Variants in ZNF695 observed in about 807,000 individuals in gnomAD.
ZNF695 encodes the protein zinc finger protein SBZF3.
A neutral mutation model predicts 11.2 loss-of-function variants in ZNF695; 11 were observed. The ratio of observed to expected loss-of-function variants is 0.98; its 90% confidence interval spans 0.62 to 1.62. ZNF695 has a LOEUF of 1.62. Among genes scored for constraint, ZNF695 ranks in the 40% most tolerant of loss-of-function variants. The pLI, the probability that ZNF695 is intolerant of heterozygous loss-of-function variation, is 0.00. For missense variants in ZNF695, 559 were observed against 590.5 expected (o/e 0.95, Z 0.55); for synonymous variants, 190 against 201.4 (o/e 0.94, Z 0.48).
intron 5 of ZNF695, among the ~76,000 whole-genome samples, chr1:246,953,559 C>G (rs552691422): frequency 6.7e-6 from 1 of 148,274 alleles, no homozygotes; most frequent in Admixed American, 6.8e-5. Flanking sequence ...TGCAGTGAGC[C>G]AAGATCGCAC....
rs1668826436 is a variant in ZNF695 at position 246,985,601 on chromosome 1, T to C, written c.*1366A>G. 1 of 932,038 alleles carries C rather than the reference T, an allele frequency of 1.1e-6. No homozygotes were observed. Among genetic ancestry groups the C allele is most frequent in the Non-Finnish European group, 1.2e-6 (1 of 802,186 alleles). The allele number at this position is 932,038 out of a possible 1,614,324, so 57.7% of individuals were successfully genotyped here. A position where few individuals can be genotyped will look rare whatever the true frequency, so the allele number is the denominator to read the frequency against. ...CTTAATGTACAACGGTCCAAAGACATTAAAACAATGTCTTATTAAAACAAA... is the reference window on the plus strand; with the variant it reads ...CTTAATGTACAACGGTCCAAAGACACTAAAACAATGTCTTATTAAAACAAA... On this transcript the variant is annotated 3_prime_UTR_variant, in exon 4 of 4. Transcript: ENST00000339986.
At chr1:246,965,802 G>T (rs895543461) in intron 5 of ZNF695, among the ~76,000 whole-genome samples, 1 of 152,060 alleles carries the variant, frequency 6.6e-6, no homozygotes, top group Admixed American at 6.6e-5. Flanking sequence ...ACAGCAAGAA[G>T]GCCCTCACCA....
At chr1:246,956,472 C>T (rs1456588301) in intron 5 of ZNF695, among the ~76,000 whole-genome samples, 4 of 151,442 alleles carry the variant, frequency 2.6e-5, no homozygotes, top group African/African-American at 7.2e-5. Context: ...AAAAATTAGC[C>T]GGGCCTGGTG....
chr1:246,989,580 C>A (rs1263004727), intron 3 of ZNF695, among the ~76,000 whole-genome samples: 1 of 151,942 alleles, frequency 6.6e-6, no homozygotes, highest in Non-Finnish European at 1.5e-5. Context: ...ACTAAACAAC[C>A]AGTAAACAAG....
In ZNF695 at chr1:246,974,903, T is replaced by A. The variant is rs1268781676; in HGVS notation, c.391-7111A>T. Among the ~76,000 whole-genome samples the A allele has an allele frequency of 2.0e-5, 3 of 152,284 alleles. No individual in the cohort carries two copies. The East Asian group carries it at 5.8e-4, about 29-fold the overall frequency. On this transcript the variant is annotated intron_variant, in intron 4 of 5. Coordinates refer to the ZNF695 transcript ENST00000487338. ...AACATGGCCAGCTTTCCCTTGCTTTTGGTTCCTTTCAACCTTGTCACTTCC... is the reference window on the plus strand; with the variant it reads ...AACATGGCCAGCTTTCCCTTGCTTTAGGTTCCTTTCAACCTTGTCACTTCC...
Position 247,008,015 on chromosome 1 carries a change from G to T in ZNF695, c.-107C>A. 7.8e-7 allele frequency: 1 copy of T among 1,287,180 alleles called. No individual in the cohort carries two copies. The allele number at this position is 1,287,180 out of a possible 1,614,324, so 79.7% of individuals were successfully genotyped here. A position where few individuals can be genotyped will look rare whatever the true frequency, so the allele number is the denominator to read the frequency against. The stretch of plus-strand genomic sequence containing the variant: ...GTCACCCGGGACTCTCCGAGAGGCA[G>T]CAGACGGGAACCCAGCACCCCGCCG... On this transcript the variant is annotated 5_prime_UTR_variant, in exon 1 of 4. The change creates a new upstream start codon in the 5' untranslated region. Coordinates refer to ENST00000339986, the MANE Select transcript of ZNF695 (RefSeq NM_020394.5).
intron 1 of ZNF695, among the ~76,000 whole-genome samples, chr1:247,001,078 GC>G (rs1009577585): frequency 6.6e-6 from 1 of 152,070 alleles, no homozygotes; most frequent in African/African-American, 2.4e-5. Context: ...CAGGCTAAAT[GC>G]CCCACTTAAA....
At chr1:247,005,449 TG>T (rs1205706945) in intron 1 of ZNF695, among the ~76,000 whole-genome samples, 2 of 152,126 alleles carry the variant, frequency 1.3e-5, no homozygotes, top group African/African-American at 2.4e-5. Context: ...CTCAGCACTG[TG>T]GGAGGCCAAA....
At position 246,986,762 on chromosome 1, in the gene ZNF695, G is replaced by T; in HGVS notation, c.*205C>A. On this transcript the variant is annotated 3_prime_UTR_variant, in exon 4 of 4. Coordinates refer to ENST00000339986, the MANE Select transcript of ZNF695 (RefSeq NM_020394.5). ...AATTCTTCTGTGTACAGTAAGAGCT[G>T]TGATATAAGTGGAGGTGTTGAACCG... 1 of 1,313,802 alleles carries T rather than the reference G, an allele frequency of 7.6e-7. No homozygotes were observed. Among genetic ancestry groups the T allele is most frequent in the South Asian group, 2.6e-5 (1 of 38,458 alleles). 81.4% of individuals were successfully genotyped at this position (1,313,802 alleles called of 1,614,324 possible). A position where few individuals can be genotyped will look rare whatever the true frequency, so the allele number is the denominator to read the frequency against.
At chr1:246,957,076 G>A (rs1039455934) in intron 5 of ZNF695, among the ~76,000 whole-genome samples, 2 of 151,606 alleles carry the variant, frequency 1.3e-5, no homozygotes, top group Admixed American at 1.3e-4. Flanking sequence ...ACTCTTTCAA[G>A]TTTTTAATTA....
chr1:246,988,330 A>G, intron 3 of ZNF695, 75 bp from the exon 4 acceptor site: 1 of 1,129,518 alleles, frequency 8.9e-7, no homozygotes, highest in South Asian at 1.6e-5. Context: ...ATAAAATTAT[A>G]CAAGCATATT....
intron 5 of ZNF695, among the ~76,000 whole-genome samples, chr1:246,947,135 G>C (rs1302835639): frequency 5.6e-5 from 4 of 70,874 alleles, no homozygotes; most frequent in African/African-American, 1.7e-4. Context: ...GCGAGACTCC[G>C]TCAAAAAAAA....
In ZNF695 at chr1:246,998,587, G is replaced by A. The variant is rs188554652; in HGVS notation, c.259+761C>T. 1.2e-4 allele frequency among the ~76,000 whole-genome samples: 19 copies of A among 152,246 alleles called. No individual in the cohort carries two copies. In the East Asian group the frequency reaches 1.3e-3, roughly 11 times the overall value. On this transcript the variant is annotated intron_variant, in intron 3 of 3. Coordinates refer to ENST00000339986, the MANE Select transcript of ZNF695 (RefSeq NM_020394.5). Reference sequence around the variant, plus strand: ...GTCATAAAGGAGAAAATATACATCCGTTTGTGGTGTTCTGGGATTTCTTAA... The same window carrying A: ...GTCATAAAGGAGAAAATATACATCCATTTGTGGTGTTCTGGGATTTCTTAA...
downstream of ZNF695, among the ~76,000 whole-genome samples, chr1:246,984,077 G>C (rs1668778490): frequency 6.7e-6 from 1 of 148,330 alleles, no homozygotes; most frequent in South Asian, 2.1e-4. Flanking sequence ...GCTTGAGTCT[G>C]GGAGGCAGAG....
At chr1:246,989,843 C>A (rs1668974052) in intron 3 of ZNF695, among the ~76,000 whole-genome samples, 1 of 152,030 alleles carries the variant, frequency 6.6e-6, no homozygotes, top group African/African-American at 2.4e-5. Flanking sequence ...CATGGTGAAA[C>A]CCATCTCTAC....
intron 4 of ZNF695, among the ~76,000 whole-genome samples, chr1:246,979,331 C>T (rs1247984304): frequency 1.3e-5 from 2 of 152,050 alleles, no homozygotes; most frequent in Non-Finnish European, 1.5e-5. Flanking sequence ...TTGAGGGGTA[C>T]GGGACCACAC....
chr1:246,977,143 T>C (rs1668588924), intron 4 of ZNF695, among the ~76,000 whole-genome samples: 1 of 152,200 alleles, frequency 6.6e-6, no homozygotes, highest in Non-Finnish European at 1.5e-5. Context: ...TTGTGCCAGC[T>C]AACAAAAACT....
intron 3 of ZNF695, among the ~76,000 whole-genome samples, chr1:246,988,967 G>A (rs73148647): frequency 0.07 from 10,695 of 152,110 alleles, 625 homozygotes; most frequent in African/African-American, 0.15. Flanking sequence ...GGTGGCAGGC[G>A]CCTGTAGTCC....
intron 3 of ZNF695, among the ~76,000 whole-genome samples, chr1:246,994,554 A>G (rs189681569): frequency 1.3e-4 from 20 of 148,490 alleles, no homozygotes; most frequent in Non-Finnish European, 3.0e-4. Context: ...AAAACAAAAC[A>G]AAGCCGGGCG....
Sources: allele counts gnomAD v4.1 joint callset (sites outside exome capture counted in the v4.1 genomes callset), GRCh38; gene constraint gnomAD v4.1.1; transcripts MANE v1.5; gene names NCBI Gene and HGNC (gene_info 2026-07-23, HGNC 2026-07-21).